Variants in CDH2 observed in about 807,000 individuals in gnomAD.
CDH2 encodes cadherin-2.
In CDH2, 17 loss-of-function variants were observed where a neutral mutation model predicts 92.0. The ratio of observed to expected loss-of-function variants is 0.18; its 90% confidence interval spans 0.13 to 0.28. The LOEUF (loss-of-function observed/expected upper bound fraction) is 0.28. Ranked by LOEUF, CDH2 falls within the 10% of genes least tolerant of loss-of-function variation. The pLI is 1.00. For synonymous variants in CDH2, 419 were observed against 415.9 expected (o/e 1.01, Z -0.09); for missense variants, 862 against 1,133.1 (o/e 0.76, Z 3.44).
At chr18:28,061,756 T>C (rs1199457149) in intron 2 of CDH2, among the ~76,000 whole-genome samples, 2 of 152,158 alleles carry the variant, frequency 1.3e-5, no homozygotes, top group Non-Finnish European at 2.9e-5. Flanking sequence ...GGACTCACAA[T>C]CATGGCAGAA....
At chr18:28,011,398 A>G (rs1010494249) in intron 4 of CDH2, among the ~76,000 whole-genome samples, 4 of 151,706 alleles carry the variant, frequency 2.6e-5, no homozygotes, top group African/African-American at 7.3e-5. Context: ...TCTTTAAAAA[A>G]CTCTCAAATG....
chr18:28,097,162 G>A (rs966394523), intron 2 of CDH2: 1 of 152,132 alleles, frequency 6.6e-6, no homozygotes, highest in African/African-American at 2.4e-5. Flanking sequence ...CAGGATAAAA[G>A]AAAGTAGTAT....
chr18:27,979,021 TA>T (rs1232591571), intron 14 of CDH2, among the ~76,000 whole-genome samples: 2 of 151,316 alleles, frequency 1.3e-5, no homozygotes, highest in East Asian at 3.9e-4. Flanking sequence ...CTGGACAACA[TA>T]AAAAATAATA....
intron 4 of CDH2, among the ~76,000 whole-genome samples, chr18:28,011,117 G>A (rs1384406196): frequency 1.3e-5 from 2 of 151,954 alleles, no homozygotes; most frequent in Non-Finnish European, 2.9e-5. Flanking sequence ...AAGGCTTTCA[G>A]TAAGTATGTG....
chr18:27,976,732 A>G (rs2011844019), intron 14 of CDH2, among the ~76,000 whole-genome samples: 1 of 152,232 alleles, frequency 6.6e-6, no homozygotes, highest in South Asian at 2.1e-4. Flanking sequence ...AGCTTTTGCT[A>G]TTAGTATAGA....
chr18:27,967,937 G>A (rs2011569144), intron 14 of CDH2, among the ~76,000 whole-genome samples: 1 of 152,128 alleles, frequency 6.6e-6, no homozygotes, highest in South Asian at 2.1e-4. Flanking sequence ...GGAATCCCAG[G>A]CAAATACTTC....
At chr18:28,105,685 T>C (rs1039669267) in intron 2 of CDH2, among the ~76,000 whole-genome samples, 1 of 152,208 alleles carries the variant, frequency 6.6e-6, no homozygotes. Flanking sequence ...TTCTGGGTCA[T>C]GGACCTTAAA....
chr18:28,127,983 G>C (rs1007665383), intron 2 of CDH2, among the ~76,000 whole-genome samples: 2 of 152,122 alleles, frequency 1.3e-5, no homozygotes, highest in Non-Finnish European at 2.9e-5. Flanking sequence ...AAACAGTTTA[G>C]ATAACAATAA....
At chr18:28,113,010 C>G (rs1485550691) in intron 2 of CDH2, among the ~76,000 whole-genome samples, 2 of 152,210 alleles carry the variant, frequency 1.3e-5, no homozygotes, top group East Asian at 3.9e-4. Flanking sequence ...GGTAAATGCA[C>G]TGGGAAGTAT....
intron 7 of CDH2, among the ~76,000 whole-genome samples, chr18:27,997,697 G>A (rs1020715726): frequency 2.0e-5 from 3 of 152,090 alleles, no homozygotes; most frequent in Admixed American, 6.6e-5. Flanking sequence ...CATAAATCAC[G>A]GGTTTCAGGA....
At chr18:28,041,220 A>G (rs1003312679) in intron 2 of CDH2, among the ~76,000 whole-genome samples, 1 of 152,236 alleles carries the variant, frequency 6.6e-6, no homozygotes, top group Non-Finnish European at 1.5e-5. Context: ...TTATCATTTG[A>G]TACATTCTTC....
At chr18:28,161,125 G>T (rs902862481) in intron 1 of CDH2, among the ~76,000 whole-genome samples, 13 of 152,174 alleles carry the variant, frequency 8.5e-5, no homozygotes, top group Admixed American at 1.3e-4. Flanking sequence ...CCCACTATCA[G>T]TCCATCCCTC....
intron 8 of CDH2, 127 bp downstream of exon 8, chr18:27,993,373 G>A (rs1214324964): frequency 2.4e-5 from 21 of 880,972 alleles, no homozygotes; most frequent in Non-Finnish European, 3.5e-5. Flanking sequence ...AAATGTCCGA[G>A]TTAGCAGCCA....
At chr18:27,943,979 T>C (rs1909204870) in intron 6 of CDH2, among the ~76,000 whole-genome samples, 1 of 152,192 alleles carries the variant, frequency 6.6e-6, no homozygotes, top group Non-Finnish European at 1.5e-5. Context: ...GTTGATGCTT[T>C]TTTAGATACC....
intron 1 of CDH2, among the ~76,000 whole-genome samples, chr18:28,162,020 G>A (rs17536841): frequency 0.03 from 4,590 of 152,214 alleles, 239 homozygotes; most frequent in African/African-American, 0.11. Context: ...AAAGATTAAA[G>A]CCACATTCTC....
chr18:28,161,527 C>T (rs530816946), intron 1 of CDH2, among the ~76,000 whole-genome samples: 1 of 150,322 alleles, frequency 6.7e-6, no homozygotes, highest in Admixed American at 6.6e-5. Context: ...ATGCAGTGAG[C>T]CGAGACTGCA....
intron 2 of CDH2, among the ~76,000 whole-genome samples, chr18:28,084,168 T>C (rs1167971839): frequency 6.6e-6 from 1 of 152,188 alleles, no homozygotes; most frequent in South Asian, 2.1e-4. Context: ...TATTAGCCTC[T>C]GAGCTTTTAG....
chr18:28,084,568 G>A (rs925405997), intron 2 of CDH2, among the ~76,000 whole-genome samples: 1 of 151,220 alleles, frequency 6.6e-6, no homozygotes, highest in Non-Finnish European at 1.5e-5. Context: ...GTAACATGCA[G>A]TGCAAAATAA....
In CDH2 at chr18:28,106,057, T is replaced by C. The variant is rs2015315113; in HGVS notation, c.172+41616A>G. On this transcript the variant is annotated intron_variant, in intron 2 of 15. Transcript: ENST00000269141. ...AAGTTCTCTGCTCAGGCAGTTAATGTGAGATTCTTGAAAATTTTAATATCC... is the reference window on the plus strand; with the variant it reads ...AAGTTCTCTGCTCAGGCAGTTAATGCGAGATTCTTGAAAATTTTAATATCC... 2.6e-5 allele frequency among the ~76,000 whole-genome samples: 4 copies of C among 152,206 alleles called. No homozygotes were observed. In the South Asian group the frequency reaches 8.3e-4, roughly 31 times the overall value.
Sources: gnomAD v4.1 joint callset for allele counts (sites outside exome capture counted in the v4.1 genomes callset) on GRCh38, gnomAD v4.1.1 for gene constraint, MANE v1.5 for transcripts, NCBI Gene and HGNC (gene_info 2026-07-23, HGNC 2026-07-21) for gene names.